AGBL4: variants seen among roughly 807,000 people sequenced by gnomAD.
AGBL4 encodes cytosolic carboxypeptidase 6.
AGBL4 carries 58 observed loss-of-function variants against 66.4 expected under a neutral mutation model. The ratio of observed to expected loss-of-function variants is 0.87; its 90% CI spans 0.71 to 1.09. The LOEUF is 1.09. AGBL4 is among the 50% of genes least tolerant of loss of function. The pLI is 0.00. For missense variants in AGBL4, 579 were observed against 631.0 expected (o/e 0.92, Z 0.88); for synonymous variants, 234 against 222.9 (o/e 1.05, Z -0.44).
At chr1:49,651,585 AG>A (rs1646006038) in intron 3 of AGBL4, among the ~76,000 whole-genome samples, 1 of 152,142 alleles carries the variant, frequency 6.6e-6, no homozygotes, top group African/African-American at 2.4e-5. Flanking sequence ...ACCACACAAA[AG>A]CTACCCATAA....
chr1:49,823,406 T>C (rs1571643868), intron 2 of AGBL4, among the ~76,000 whole-genome samples: 2 of 152,272 alleles, frequency 1.3e-5, no homozygotes, highest in East Asian at 1.9e-4. Context: ...GTAACTCTAG[T>C]AGACATAGTT....
At chr1:49,331,801 A>G (rs1645339890) in intron 3 of AGBL4, among the ~76,000 whole-genome samples, 1 of 151,588 alleles carries the variant, frequency 6.6e-6, no homozygotes, top group Non-Finnish European at 1.5e-5. Context: ...AACCTTTTAC[A>G]AAACATGGCC....
At chr1:49,348,855 G>C (rs1185830810) in intron 3 of AGBL4, among the ~76,000 whole-genome samples, 2 of 152,288 alleles carry the variant, frequency 1.3e-5, no homozygotes, top group Admixed American at 1.3e-4. Context: ...CACAGGACAA[G>C]GCATTAGGAG....
chr1:49,203,088 C>CAAAAAAAAAA (rs139732827), intron 4 of AGBL4, among the ~76,000 whole-genome samples: 1 of 135,900 alleles, frequency 7.4e-6, no homozygotes, highest in African/African-American at 2.7e-5. Context: ...TGGCTACTAT[C>CAAAAAAAAAA]AAAAAAAAAA....
intron 5 of AGBL4, among the ~76,000 whole-genome samples, chr1:48,892,819 C>G (rs1406665663): frequency 6.6e-6 from 1 of 152,172 alleles, no homozygotes; most frequent in Non-Finnish European, 1.5e-5. Flanking sequence ...TTCCTCTAAC[C>G]ATTCCCCCCC....
At chr1:48,613,847 C>T (rs1446478781) in intron 9 of AGBL4, among the ~76,000 whole-genome samples, 1 of 152,214 alleles carries the variant, frequency 6.6e-6, no homozygotes, top group African/African-American at 2.4e-5. Context: ...CGAAAGCTAA[C>T]CACAATAATA....
At chr1:49,117,248 CT>C (rs1645545071) in intron 4 of AGBL4, among the ~76,000 whole-genome samples, 1 of 152,090 alleles carries the variant, frequency 6.6e-6, no homozygotes, top group African/African-American at 2.4e-5. Context: ...TCTATTTTAG[CT>C]TTTGTTGCCA....
chr1:49,912,596 C>T lies in AGBL4; in HGVS notation c.35-61078G>A, dbSNP rs1030132343. ...ATTTGTTCTTGTCTCACAGGAACTA[C>T]GTGTAAGAGCTGGGCTTAAAACCTA... On this transcript the variant is annotated intron_variant, in intron 1 of 13. Transcript: ENST00000371839. Among the ~76,000 whole-genome samples, 7 of 152,234 alleles carry T rather than the reference C, an allele frequency of 4.6e-5. No individual in the cohort carries two copies. The South Asian group carries it at 1.2e-3, about 27-fold the overall frequency.
chr1:49,640,084 C>T (rs761591009), intron 3 of AGBL4, among the ~76,000 whole-genome samples: 1 of 152,034 alleles, frequency 6.6e-6, no homozygotes, highest in African/African-American at 2.4e-5. Flanking sequence ...AAACCACTAC[C>T]CTGAGGAGCT....
intron 3 of AGBL4, among the ~76,000 whole-genome samples, chr1:49,636,447 T>C (rs1474105647): frequency 6.6e-6 from 1 of 152,128 alleles, no homozygotes; most frequent in Non-Finnish European, 1.5e-5. Context: ...CCAAATATCC[T>C]CACTTTAGGG....
At chr1:49,959,840 A>G (rs1034960160) in intron 1 of AGBL4, among the ~76,000 whole-genome samples, 2 of 152,134 alleles carry the variant, frequency 1.3e-5, no homozygotes, top group Non-Finnish European at 2.9e-5. Context: ...ACCATGAAAT[A>G]CTATGCAGCT....
At chr1:48,636,207 G>GGCCGGGCGCGGTGGCTCACGCCTGTAA in intron 8 of AGBL4, among the ~76,000 whole-genome samples, 1 of 152,140 alleles carries the variant, frequency 6.6e-6, no homozygotes, top group South Asian at 2.1e-4. Context: ...ATGAAAAATG[G>GGCCGGGCGCGGTGGCTCACGCCTGTAA]TCCTCAATAT....
chr1:48,984,741 T>C (rs1293881212), intron 5 of AGBL4, among the ~76,000 whole-genome samples: 1 of 151,778 alleles, frequency 6.6e-6, no homozygotes, highest in African/African-American at 2.4e-5. Flanking sequence ...GCAAGGCTTA[T>C]AATCTGACCT....
chr1:49,284,603 T>A (rs1271273296), intron 3 of AGBL4, among the ~76,000 whole-genome samples: 2 of 152,230 alleles, frequency 1.3e-5, no homozygotes, highest in Admixed American at 1.3e-4. Flanking sequence ...TCAAGATCCA[T>A]CAGTGTGCTG....
intron 11 of AGBL4, among the ~76,000 whole-genome samples, chr1:48,559,257 C>T (rs2148295175): frequency 6.6e-6 from 1 of 152,298 alleles, no homozygotes; most frequent in Non-Finnish European, 1.5e-5. Flanking sequence ...GGAGACAGCA[C>T]AAATGAACAG....
At chr1:48,973,522 T>G (rs1405471642) in intron 5 of AGBL4, among the ~76,000 whole-genome samples, 1 of 152,136 alleles carries the variant, frequency 6.6e-6, no homozygotes, top group African/African-American at 2.4e-5. Context: ...CTACTTATGC[T>G]TTGTCTCAAG....
Position 49,646,910 on chromosome 1 carries a change from A to G in AGBL4, c.282+50403T>C, listed in dbSNP as rs1244048015. ...TCAACAAAAGTGCAAAGTCAATTCA[A>G]TGAAAAAGAATAGTCTTTCCTACAG... On this transcript the variant is annotated intron_variant, in intron 3 of 13. Coordinates refer to ENST00000371839, the MANE Select transcript of AGBL4 (RefSeq NM_032785.4). Among the ~76,000 whole-genome samples, 3 of 152,092 alleles carry G rather than the reference A, an allele frequency of 2.0e-5. No homozygotes were observed. In the East Asian group the frequency reaches 5.8e-4, roughly 29 times the overall value.
At chr1:49,925,092 T>A (rs189125177) in intron 1 of AGBL4, among the ~76,000 whole-genome samples, 22 of 152,286 alleles carry the variant, frequency 1.4e-4, no homozygotes, top group Admixed American at 1.2e-3. Context: ...TCTTCTCTAA[T>A]CCAAAGCAGT....
intron 6 of AGBL4, chr1:48,759,265 G>A (rs748438575): frequency 2.5e-5 from 39 of 1,561,560 alleles, no homozygotes; most frequent in Non-Finnish European, 3.0e-5. Flanking sequence ...CACTTCGCTC[G>A]GCTTCCGCCC....
Sources: allele counts gnomAD v4.1 joint callset (sites outside exome capture counted in the v4.1 genomes callset), GRCh38; gene constraint gnomAD v4.1.1; transcripts MANE v1.5; gene names NCBI Gene and HGNC (gene_info 2026-07-23, HGNC 2026-07-21).